The following PACS1 variants were observed in gnomAD, a reference collection of about 807,000 sequenced individuals.
PACS1 encodes the protein PACS-1.
Under a neutral mutation model 115.0 loss-of-function variants are expected in PACS1, and 24 were observed. That is an observed-to-expected ratio of 0.21 (90% CI 0.15 to 0.29). PACS1 has a LOEUF of 0.29. PACS1 is among the 10% of genes least tolerant of loss of function. The pLI is 1.00. For synonymous variants in PACS1, 453 were observed against 504.5 expected (o/e 0.90, Z 1.37); for missense variants, 838 against 1,251.2 (o/e 0.67, Z 4.98).
chr11:66,157,213 T>G (rs1253749856), intron 1 of PACS1, among the ~76,000 whole-genome samples: 1 of 152,126 alleles, frequency 6.6e-6, no homozygotes, highest in Admixed American at 6.5e-5. Flanking sequence ...AAAATGACAG[T>G]AAAGGAATTT....
chr11:66,073,519 C>T (rs984292276), intron 1 of PACS1, among the ~76,000 whole-genome samples: 4 of 152,100 alleles, frequency 2.6e-5, no homozygotes, highest in African/African-American at 9.7e-5. Flanking sequence ...TGCTGCTTTT[C>T]TTGATGCCTG....
intron 2 of PACS1, among the ~76,000 whole-genome samples, chr11:66,194,352 C>T (rs1854600915): frequency 6.6e-6 from 1 of 152,178 alleles, no homozygotes; most frequent in African/African-American, 2.4e-5. Context: ...GATATTTTAT[C>T]TCTATATAAA....
intron 16 of PACS1, 63 bp downstream of exon 16, chr11:66,234,002 TG>T: frequency 6.4e-6 from 10 of 1,568,422 alleles, no homozygotes; most frequent in Admixed American, 1.7e-5. Context: ...ATGCCTCATC[TG>T]GAACAGGACG....
intron 1 of PACS1, among the ~76,000 whole-genome samples, chr11:66,131,024 T>C (rs1326048781): frequency 1.3e-5 from 2 of 152,122 alleles, no homozygotes; most frequent in Non-Finnish European, 2.9e-5. Flanking sequence ...TGAGCCTTGA[T>C]TGTGCCACCA....
In PACS1 at chr11:66,193,486, G is replaced by A. The variant is rs773355385; in HGVS notation, c.357G>A (p.Arg119=). The change falls in exon 2 of 24, where the codon AGG becomes AGA. Residue 119 remains arginine, a splice_region_variant and synonymous_variant. Transcript: ENST00000320580. ...VDRSSSSCVP[R]LFSLTLKKLV... ...GCATCTTCCTTCTCTGTTTTTCTAG[G>A]CTATTCAGCTTGACCCTGAAGAAAC... 1 of 1,606,446 alleles carries A rather than the reference G, an allele frequency of 6.2e-7. No homozygotes were observed. The highest frequency in any genetic ancestry group is 1.1e-5 in the South Asian group (1 of 90,900).
chr11:66,239,231 A>G lies in PACS1; in HGVS notation c.2383A>G (p.Thr795Ala), dbSNP rs751654342. ...GGGCCTGAGCCGAGACGCCACGGCC[A>G]CCCCTCCCTCCTCCCCATCTATGAG... Reference protein sequence around the residue: ...SSGLSRDATATPPSSPSMSSA... With the variant: ...SSGLSRDATAAPPSSPSMSSA... Residue 795 changes from threonine to alanine, a missense_variant, in exon 21 of 24, where the codon ACC becomes GCC. This residue lies in a region of PACS1 where 383 missense variants were observed against 537.0 expected (regional missense o/e 0.71). Coordinates refer to ENST00000320580, the MANE Select transcript of PACS1 (RefSeq NM_018026.4). The G allele has an allele frequency of 6.2e-7, 1 of 1,613,284 alleles. No individual in the cohort carries two copies. Among genetic ancestry groups the G allele is most frequent in the East Asian group, 2.2e-5 (1 of 44,834 alleles).
intron 1 of PACS1, among the ~76,000 whole-genome samples, chr11:66,125,685 A>C (rs1047637706): frequency 2.6e-5 from 4 of 152,154 alleles, no homozygotes; most frequent in Non-Finnish European, 5.9e-5. Context: ...TAGATAAAAT[A>C]AAATAGAAAA....
rs56203680 is a variant in PACS1, at chr11:66,202,742, AATATATATAT to A, written c.445-7589_445-7580del. On this transcript the variant is annotated intron_variant, in intron 2 of 23. Transcript: ENST00000320580. ...CATCTCTAGGAAAAAAAAAAAAAAAAATATATATATATATATATATATATATATATATATA... is the reference window on the plus strand; with the variant it reads ...CATCTCTAGGAAAAAAAAAAAAAAAAATATATATATATATATATATATATA... Among the ~76,000 whole-genome samples the A allele has an allele frequency of 4.4e-3, 315 of 71,300 alleles. 21 individuals carry two copies. Among genetic ancestry groups the A allele is most frequent in the Admixed American group, 0.016 (91 of 5,652 alleles). The allele number at this position is 71,300 out of a possible 152,430, so 46.8% of individuals were successfully genotyped here. A position where few individuals can be genotyped will look rare whatever the true frequency, so the allele number is the denominator to read the frequency against.
rs747306505 is a variant in PACS1, at chr11:66,236,333, C to T, written c.2250+393C>T. On this transcript the variant is annotated intron_variant, in intron 19 of 23. Transcript: ENST00000320580. This position sits in a 1 kb window ranked among gnomAD's most constrained non-coding sequence, Gnocchi z 4.2. ...TGTCTCCTGTTTATTACACCAGGCC[C>T]TGACCTCGCTGCCTTCACCCGGGGA... Among the ~76,000 whole-genome samples, 3 of 152,218 alleles carry T rather than the reference C, an allele frequency of 2.0e-5. No individual in the cohort carries two copies. Among genetic ancestry groups the T allele is most frequent in the Non-Finnish European group, 4.4e-5 (3 of 68,034 alleles).
At position 66,236,537 on chromosome 11, in the gene PACS1, T is replaced by A. The variant is rs1855708093; in HGVS notation, c.2250+597T>A. On this transcript the variant is annotated intron_variant, in intron 19 of 23. Transcript: ENST00000320580. The surrounding 1 kb of genome is among the most constrained non-coding windows in gnomAD (Gnocchi z 4.2). ...GAGAAATCTCTATACTAGTAAACTT[T>A]GAAAGTCAAGGAAGAACCCCGTGGA... Among the ~76,000 whole-genome samples the A allele has an allele frequency of 6.6e-6, 1 of 150,740 alleles. No homozygotes were observed. The highest frequency in any genetic ancestry group is 6.6e-5 in the Admixed American group (1 of 15,252).
intron 1 of PACS1, among the ~76,000 whole-genome samples, chr11:66,151,902 G>A (rs1223360759): frequency 2.6e-5 from 4 of 152,112 alleles, no homozygotes; most frequent in African/African-American, 9.7e-5. Flanking sequence ...TGAAAAAATG[G>A]AAGTTGTAGA....
intron 2 of PACS1, among the ~76,000 whole-genome samples, chr11:66,205,276 C>T (rs950725121): frequency 6.6e-6 from 1 of 151,910 alleles, no homozygotes; most frequent in Non-Finnish European, 1.5e-5. Context: ...TGAGCCACCA[C>T]GCCCAGCCAA....
intron 10 of PACS1, among the ~76,000 whole-genome samples, chr11:66,224,951 A>G (rs1855442383): frequency 2.0e-5 from 3 of 152,222 alleles, no homozygotes; most frequent in Admixed American, 2.0e-4. Context: ...AGAACCAGAA[A>G]GAATTTCTCC....
chr11:66,155,613 G>C (rs1230556519), intron 1 of PACS1, among the ~76,000 whole-genome samples: 1 of 152,152 alleles, frequency 6.6e-6, no homozygotes, highest in Non-Finnish European at 1.5e-5. Context: ...CAAGGATGTG[G>C]CACAAGCAGA....
At chr11:66,074,476 T>C (rs186814141) in intron 1 of PACS1, among the ~76,000 whole-genome samples, 1 of 152,318 alleles carries the variant, frequency 6.6e-6, no homozygotes, top group East Asian at 1.9e-4. Flanking sequence ...TGTTCTTTTC[T>C]TTTTGTGTTG....
intron 9 of PACS1, 113 bp from the exon 10 acceptor site, chr11:66,221,041 T>G: frequency 9.5e-7 from 1 of 1,049,568 alleles, no homozygotes; most frequent in Non-Finnish European, 1.5e-6. Flanking sequence ...TCACCGGGCG[T>G]TCTGGACACC....
intron 1 of PACS1, among the ~76,000 whole-genome samples, chr11:66,171,619 G>A (rs1301149361): frequency 1.3e-5 from 2 of 149,098 alleles, no homozygotes; most frequent in East Asian, 1.9e-4. Flanking sequence ...TCGCTCTGTC[G>A]CCCAGGCTGG....
chr11:66,189,234 A>G (rs1239540502), intron 1 of PACS1, among the ~76,000 whole-genome samples: 1 of 152,212 alleles, frequency 6.6e-6, no homozygotes, highest in African/African-American at 2.4e-5. Context: ...ACAAAAAAAA[A>G]TCCTGTTGAA....
rs1028676996 is a variant in PACS1 at position 66,192,855 on chromosome 11, G to A, written c.357-631G>A. 4.6e-5 allele frequency among the ~76,000 whole-genome samples: 7 copies of A among 152,306 alleles called. No homozygotes were observed. The East Asian group carries it at 9.6e-4, about 21-fold the overall frequency. On this transcript the variant is annotated intron_variant, in intron 1 of 23. Transcript: ENST00000320580. The stretch of plus-strand genomic sequence containing the variant: ...GACAATCCTGTCACTTTTGAGTTGC[G>A]GGGAATTTCTTGATTTGTGGCACTG...
Sources: allele counts gnomAD v4.1 joint callset (sites outside exome capture counted in the v4.1 genomes callset), GRCh38; gene constraint gnomAD v4.1.1; regional missense constraint gnomAD v4.1.1; non-coding constraint Gnocchi (gnomAD v3.1); transcripts MANE v1.5; gene names NCBI Gene and HGNC (gene_info 2026-07-23, HGNC 2026-07-21).